The following MICALL2 variants were observed in gnomAD, a reference collection of about 807,000 sequenced individuals.
MICALL2 encodes MICAL-like protein 2.
A neutral mutation model predicts 91.1 loss-of-function variants in MICALL2; 111 were observed. The observed-to-expected ratio is 1.22, with a 90% CI of 1.04 to 1.43. The LOEUF (loss-of-function observed/expected upper bound fraction) is 1.43, where lower values mean the gene tolerates loss of function less well. Among genes scored for constraint, MICALL2 ranks in the 40% most tolerant of loss-of-function variants. MICALL2 has a pLI of 0.00. For missense variants in MICALL2, 1,556 were observed against 1,236.0 expected (o/e 1.26, Z -3.88); for synonymous variants, 694 against 525.3 (o/e 1.32, Z -4.39).
chr7:1,435,876 C>T (rs1257273006), intron 15 of MICALL2, among the ~76,000 whole-genome samples: 1 of 151,774 alleles, frequency 6.6e-6, no homozygotes, highest in African/African-American at 2.4e-5. Context: ...ATGGGGAAAC[C>T]CCGTCTCTAC....
chr7:1,436,593 C>T, intron 15 of MICALL2, 149 bp downstream of exon 15: 1 of 444,744 alleles, frequency 2.2e-6, no homozygotes. Context: ...CCCCGATGGC[C>T]ACATGTGGCC....
chr7:1,443,502 T>A lies in MICALL2; in HGVS notation c.1419-1018A>T, dbSNP rs1309831206. ...CGAATGGTGACCCCTAAAAGTCATG[T>A]CCACTGGGAAGCTCAGAGTGTGACC... is the stretch of plus-strand genomic sequence containing the variant. On this transcript the variant is annotated intron_variant, in intron 6 of 16. Coordinates refer to ENST00000297508, the MANE Select transcript of MICALL2 (RefSeq NM_182924.4). Among the ~76,000 whole-genome samples, 4 of 152,310 alleles carry A rather than the reference T, an allele frequency of 2.6e-5. No homozygotes were observed. The East Asian group carries it at 5.8e-4, about 22-fold the overall frequency.
At chr7:1,450,757 C>A (rs2128524624) in intron 1 of MICALL2, among the ~76,000 whole-genome samples, 1 of 152,314 alleles carries the variant, frequency 6.6e-6, no homozygotes, top group African/African-American at 2.4e-5. Flanking sequence ...GCACCATATG[C>A]AGAGAGGGCC....
rs371385242 is a variant in MICALL2, at chr7:1,449,632, C to G, written c.192+608G>C. Among the ~76,000 whole-genome samples, 222 of 152,370 alleles carry G rather than the reference C, an allele frequency of 1.5e-3. 1 individual carries two copies. Among genetic ancestry groups the G allele is most frequent in the African/African-American group, 5.1e-3 (211 of 41,580 alleles). On this transcript the variant is annotated intron_variant, in intron 2 of 16. Transcript: ENST00000297508. ...TGTCTTCAGTGCTGACCACTGTCCCCGCTGAAGGCCAGCTCCGGGGGCAGG... is the reference window on the plus strand; with the variant it reads ...TGTCTTCAGTGCTGACCACTGTCCCGGCTGAAGGCCAGCTCCGGGGGCAGG...
chr7:1,452,506 C>A lies in MICALL2; in HGVS notation c.144-2218G>T, dbSNP rs1393086830. Among the ~76,000 whole-genome samples the A allele has an allele frequency of 1.3e-5, 2 of 152,192 alleles. No individual in the cohort carries two copies. Among genetic ancestry groups the A allele is most frequent in the African/African-American group, 4.8e-5 (2 of 41,452 alleles). ...GGGTCACTGACCAAAGCGGCCATGT[C>A]CCCGGAAAGAATGCCCGGACGGCCG... is the stretch of plus-strand genomic sequence containing the variant. On this transcript the variant is annotated intron_variant, in intron 1 of 16. Coordinates refer to ENST00000297508, the MANE Select transcript of MICALL2 (RefSeq NM_182924.4). This position sits in a 1 kb window ranked among gnomAD's most constrained non-coding sequence, Gnocchi z 6.2.
chr7:1,436,879 G>T, intron 14 of MICALL2, 23 bp from the exon 15 acceptor site: 1 of 1,519,262 alleles, frequency 6.6e-7, no homozygotes, highest in Non-Finnish European at 8.9e-7. Context: ...CTCGTCAGCA[G>T]GAGCCCCCCC....
intron 15 of MICALL2, 83 bp downstream of exon 15, chr7:1,436,659 G>A (rs1162947552): frequency 8.9e-6 from 9 of 1,013,722 alleles, no homozygotes; most frequent in South Asian, 6.5e-5. Context: ...AAAGTTCTAC[G>A]GGGCTGGCTG....
chr7:1,449,858 T>C (rs995879808), intron 2 of MICALL2, among the ~76,000 whole-genome samples: 66 of 152,350 alleles, frequency 4.3e-4, no homozygotes, highest in African/African-American at 1.6e-3. Flanking sequence ...AGGTCCCATG[T>C]GGTGGGAGTG....
At position 1,448,642 on chromosome 7, in the gene MICALL2, G is replaced by T; in HGVS notation, c.312C>A (p.Asn104Lys). The T allele has an allele frequency of 6.2e-7, 1 of 1,612,724 alleles. No individual in the cohort carries two copies. The change falls in exon 3 of 17, where the codon AAC becomes AAA. Residue 104 changes from asparagine to lysine, a missense_variant. Physicochemically the swap from Asn to Lys is moderately conservative, Grantham distance 94 (BLOSUM62 0). Coordinates refer to ENST00000297508, the MANE Select transcript of MICALL2 (RefSeq NM_182924.4). ...CACTGGGGGAGCGGCCGTGGAAGTA[G>T]TTGTAATACTGGGACACGTAGGTCA... ...SILTYVSQYY[N>K]YFHGRSPIGG...
chr7:1,455,746 G>A (rs1780991914), intron 1 of MICALL2, among the ~76,000 whole-genome samples: 1 of 151,990 alleles, frequency 6.6e-6, no homozygotes, highest in Admixed American at 6.6e-5. Context: ...GGGCCAAGCG[G>A]AAGTGCTCTC....
rs1780139446 is a variant in MICALL2, at chr7:1,439,218, G to T, written c.1967-223C>A. 3 of 533,802 alleles carry T rather than the reference G, an allele frequency of 5.6e-6. No homozygotes were observed. The Admixed American group carries it at 1.0e-4, about 19-fold the overall frequency. 33.1% of individuals were successfully genotyped at this position (533,802 alleles called of 1,614,324 possible). A position where few individuals can be genotyped will look rare whatever the true frequency, so the allele number is the denominator to read the frequency against. On this transcript the variant is annotated intron_variant, in intron 9 of 16. Transcript: ENST00000297508. Reference sequence around the variant, plus strand: ...ACCCACGGGGCTGCTGGCTGCTCAAGGTCACACAGGAAGTGGCACGAGAGC... The same window carrying T: ...ACCCACGGGGCTGCTGGCTGCTCAATGTCACACAGGAAGTGGCACGAGAGC...
Position 1,450,221 on chromosome 7 carries a change from C to T in MICALL2, c.192+19G>A, listed in dbSNP as rs764205232. On this transcript the variant is annotated intron_variant, in intron 2 of 16. Coordinates refer to ENST00000297508, the MANE Select transcript of MICALL2 (RefSeq NM_182924.4). ...AGGCTGGCTAAGCCAGCTGTGAGGC[C>T]GGGGCGGGGGCCACTCACCAGTTTA... 22 of 1,610,210 alleles carry T rather than the reference C, an allele frequency of 1.4e-5. 1 individual carries two copies. In the Admixed American group the frequency reaches 2.5e-4, roughly 18 times the overall value.
In MICALL2 at chr7:1,447,680, C is replaced by T. The variant is rs764858231; in HGVS notation, c.420G>A (p.Lys140=). Residue 140 remains lysine, a synonymous_variant, in exon 4 of 17, where the codon AAG becomes AAA. Coordinates refer to ENST00000297508, the MANE Select transcript of MICALL2 (RefSeq NM_182924.4). ...TCCGGGCTGGGGCGGGCGAGGGCAGCTTGGCCGCCTGGACTGGAGCCTTCT... is the reference window on the plus strand; with the variant it reads ...TCCGGGCTGGGGCGGGCGAGGGCAGTTTGGCCGCCTGGACTGGAGCCTTCT... The part of the protein sequence containing the change: ...SGKKAPVQAA[K]LPSPAPARKP... The T allele has an allele frequency of 5.7e-6, 9 of 1,583,402 alleles. No homozygotes were observed. The highest frequency in any genetic ancestry group is 2.3e-5 in the East Asian group (1 of 43,508).
chr7:1,448,984 G>A (rs1455816043), intron 2 of MICALL2, among the ~76,000 whole-genome samples: 1 of 152,258 alleles, frequency 6.6e-6, no homozygotes, highest in Non-Finnish European at 1.5e-5. Context: ...CCAGGCCGGT[G>A]GGCGCTCAAG....
chr7:1,448,901 C>T (rs1487639969), intron 2 of MICALL2, 140 bp from the exon 3 acceptor site: 20 of 968,104 alleles, frequency 2.1e-5, no homozygotes, highest in East Asian at 5.3e-5. Context: ...GTTCTGCTCG[C>T]GTGGCCTCCC....
intron 1 of MICALL2, among the ~76,000 whole-genome samples, chr7:1,458,306 C>T (rs1781092206): frequency 6.6e-6 from 1 of 152,206 alleles, no homozygotes; most frequent in African/African-American, 2.4e-5. Flanking sequence ...CTGCCTGTGG[C>T]TCCTCCCAAC....
intron 9 of MICALL2, chr7:1,439,549 C>T (rs1400812874): frequency 9.1e-6 from 2 of 219,590 alleles, no homozygotes; most frequent in Non-Finnish European, 1.8e-5. Context: ...ACGCATCACA[C>T]ATGTACACAT....
In MICALL2 at chr7:1,451,001, G is replaced by A. The variant is rs1406752965; in HGVS notation, c.144-713C>T. On this transcript the variant is annotated intron_variant, in intron 1 of 16. Coordinates refer to ENST00000297508, the MANE Select transcript of MICALL2 (RefSeq NM_182924.4). This position sits in a 1 kb window ranked among gnomAD's most constrained non-coding sequence, Gnocchi z 4.5. ...CCTGCCCCAGGTCACACAGCGGGGA[G>A]ACAGCTGCCAAGCCCACTGAGGTTA... 6.6e-6 allele frequency among the ~76,000 whole-genome samples: 1 copy of A among 152,232 alleles called. No homozygotes were observed. The highest frequency in any genetic ancestry group is 1.5e-5 in the Non-Finnish European group (1 of 68,030).
Position 1,445,081 on chromosome 7 carries a change from G to A in MICALL2, c.989C>T (p.Thr330Ile). ...AGGGCGGACTTTCCCCTCCGTGGGA[G>A]TGGGGGCCAGGCGGCTCTCAGAGGG... ...ARPSESRLAP[T>I]PTEGKVRPRV... The change falls in exon 6 of 17, where the codon ACT (threonine) becomes ATT (isoleucine). Residue 330 changes from threonine (T) to isoleucine (I), a missense_variant. Physicochemically the swap from Thr to Ile is moderately conservative, Grantham distance 89 (BLOSUM62 -1). Transcript: ENST00000297508. 1.3e-6 allele frequency: 2 copies of A among 1,551,156 alleles called. No homozygotes were observed. Among genetic ancestry groups the A allele is most frequent in the Non-Finnish European group, 1.7e-6 (2 of 1,148,032 alleles).
Sources: gnomAD v4.1 joint callset for allele counts (sites outside exome capture counted in the v4.1 genomes callset) on GRCh38, gnomAD v4.1.1 for gene constraint, Gnocchi (gnomAD v3.1) non-coding constraint, MANE v1.5 for transcripts, NCBI Gene and HGNC (gene_info 2026-07-23, HGNC 2026-07-21) for gene names.